Variants in CAND1 observed in about 807,000 individuals in gnomAD.
The protein encoded by CAND1 is cullin associated and neddylation dissociated 1.
Under a neutral mutation model 108.5 loss-of-function variants are expected in CAND1, and 7 were observed. That is an observed-to-expected ratio of 0.06 (90% CI 0.04 to 0.12). The LOEUF is 0.12. Among genes scored for constraint, CAND1 ranks in the 10% least tolerant of loss-of-function variants. CAND1 has a pLI of 1.00. For missense variants in CAND1, 941 were observed against 1,448.7 expected (o/e 0.65, Z 5.69); for synonymous variants, 534 against 512.0 (o/e 1.04, Z -0.58).
rs939507411 is a variant in CAND1 at position 67,319,606 on chromosome 12, C to T, written c.*6776C>T. On this transcript the variant is annotated 3_prime_UTR_variant, in exon 15 of 15. Coordinates refer to ENST00000545606, the MANE Select transcript of CAND1 (RefSeq NM_018448.5). Reference sequence around the variant, plus strand: ...TGCAGATACTGCTATTCCCCTCCTCCATACCATTGCTGATGGTTACTGAGG... The same window carrying T: ...TGCAGATACTGCTATTCCCCTCCTCTATACCATTGCTGATGGTTACTGAGG... The T allele has an allele frequency of 5.3e-5, 8 of 152,212 alleles. No homozygotes were observed. The highest frequency in any genetic ancestry group is 1.0e-4 in the Non-Finnish European group (7 of 68,030). The allele number at this position is 152,212 out of a possible 1,614,324, so 9.4% of individuals were successfully genotyped here. A position where few individuals can be genotyped will look rare whatever the true frequency, so the allele number is the denominator to read the frequency against.
At chr12:67,286,840 T>G (rs2044676607) in intron 2 of CAND1, among the ~76,000 whole-genome samples, 1 of 152,152 alleles carries the variant, frequency 6.6e-6, no homozygotes, top group Non-Finnish European at 1.5e-5. Context: ...GGATGTGAGG[T>G]AGGAATTAAC....
rs1455757518 is a variant in CAND1 at position 67,313,583 on chromosome 12, G to T, written c.*753G>T. On this transcript the variant is annotated 3_prime_UTR_variant, in exon 15 of 15. Coordinates refer to ENST00000545606, the MANE Select transcript of CAND1 (RefSeq NM_018448.5). ...AAAGAAAGGAGAATTTTTGAGACTT[G>T]GGTTTTCTTAATGCCAGTGTGAATT... 3.3e-5 allele frequency: 5 copies of T among 152,456 alleles called. No homozygotes were observed. Among genetic ancestry groups the T allele is most frequent in the African/African-American group, 1.2e-4 (5 of 41,416 alleles). 9.4% of individuals were successfully genotyped at this position (152,456 alleles called of 1,614,324 possible). A position where few individuals can be genotyped will look rare whatever the true frequency, so the allele number is the denominator to read the frequency against.
intron 1 of CAND1, among the ~76,000 whole-genome samples, chr12:67,272,374 C>T (rs935259105): frequency 2.6e-5 from 4 of 152,138 alleles, no homozygotes; most frequent in African/African-American, 9.7e-5. Context: ...GAGGCATGGA[C>T]ATGACTAATT....
chr12:67,280,948 A>G (rs1393402622), intron 1 of CAND1, among the ~76,000 whole-genome samples: 1 of 152,088 alleles, frequency 6.6e-6, no homozygotes, highest in African/African-American at 2.4e-5. Flanking sequence ...TATTTTGAAA[A>G]TAAGCCTGGT....
At chr12:67,280,171 A>G (rs929205336) in intron 1 of CAND1, among the ~76,000 whole-genome samples, 1 of 152,218 alleles carries the variant, frequency 6.6e-6, no homozygotes, top group African/African-American at 2.4e-5. Context: ...AAGCTTTTTT[A>G]AAAATAAGCA....
intron 1 of CAND1, among the ~76,000 whole-genome samples, chr12:67,273,317 A>T (rs1198553369): frequency 6.6e-6 from 1 of 152,138 alleles, no homozygotes; most frequent in East Asian, 1.9e-4. Flanking sequence ...CTAGGGATGC[A>T]TGTTCCATAA....
In CAND1 at chr12:67,274,073, C is replaced by T. The variant is rs575642610; in HGVS notation, c.68+4288C>T. 7.9e-5 allele frequency among the ~76,000 whole-genome samples: 12 copies of T among 152,270 alleles called. No homozygotes were observed. The South Asian group carries it at 2.5e-3, about 32-fold the overall frequency. On this transcript the variant is annotated intron_variant, in intron 1 of 14. Coordinates refer to ENST00000545606, the MANE Select transcript of CAND1 (RefSeq NM_018448.5). ...AGAACATGAACTCTTGACCACCCAG[C>T]TATGTCACTTCTCCAGGGTTTAGAC... is the stretch of plus-strand genomic sequence containing the variant.
intron 11 of CAND1, among the ~76,000 whole-genome samples, chr12:67,309,495 T>C (rs2044926149): frequency 6.6e-6 from 1 of 152,024 alleles, no homozygotes; most frequent in Non-Finnish European, 1.5e-5. Context: ...ATTTTTTTAT[T>C]CTTATTTTGA....
intron 8 of CAND1, 105 bp downstream of exon 8, chr12:67,302,720 A>C: frequency 1.0e-6 from 1 of 962,722 alleles, no homozygotes; most frequent in Non-Finnish European, 1.6e-6. Context: ...AGAGAAGCAG[A>C]AAGTTCTAGG....
intron 1 of CAND1, among the ~76,000 whole-genome samples, chr12:67,270,961 T>G (rs2044515797): frequency 6.6e-6 from 1 of 152,172 alleles, no homozygotes; most frequent in Non-Finnish European, 1.5e-5. Flanking sequence ...GTCCAAACCG[T>G]GTGGACTGGG....
intron 1 of CAND1, among the ~76,000 whole-genome samples, chr12:67,276,289 C>T (rs556338592): frequency 1.3e-5 from 2 of 152,324 alleles, no homozygotes; most frequent in East Asian, 3.9e-4. Context: ...CCTAATATAA[C>T]TCATTTAGTG....
chr12:67,283,034 C>G lies in CAND1; in HGVS notation c.212+981C>G, dbSNP rs553343964. Among the ~76,000 whole-genome samples, 6 of 152,194 alleles carry G rather than the reference C, an allele frequency of 3.9e-5. No individual in the cohort carries two copies. In the South Asian group the frequency reaches 1.2e-3, roughly 32 times the overall value. ...TAATTTACATAGTTATTAGTATAACCTTTAGCCTCATAAAAATTATGGAAT... is the reference window on the plus strand; with the variant it reads ...TAATTTACATAGTTATTAGTATAACGTTTAGCCTCATAAAAATTATGGAAT... On this transcript the variant is annotated intron_variant, in intron 2 of 14. Coordinates refer to ENST00000545606, the MANE Select transcript of CAND1 (RefSeq NM_018448.5).
At chr12:67,283,460 G>C (rs2044638730) in intron 2 of CAND1, among the ~76,000 whole-genome samples, 1 of 151,954 alleles carries the variant, frequency 6.6e-6, no homozygotes, top group Non-Finnish European at 1.5e-5. Flanking sequence ...GTGCATGCCT[G>C]TAATCCCTGC....
intron 2 of CAND1, among the ~76,000 whole-genome samples, chr12:67,290,538 C>G (rs1008324994): frequency 4.6e-5 from 7 of 151,942 alleles, no homozygotes; most frequent in African/African-American, 1.7e-4. Flanking sequence ...ACCTAAAAAT[C>G]TGACTGTTAA....
chr12:67,295,807 A>T (rs1400096135), intron 4 of CAND1, among the ~76,000 whole-genome samples: 1 of 152,126 alleles, frequency 6.6e-6, no homozygotes, highest in Non-Finnish European at 1.5e-5. Flanking sequence ...TAAAGTGAGG[A>T]GCTATCATCC....
At chr12:67,302,676 C>A in intron 8 of CAND1, 61 bp downstream of exon 8, 1 of 1,448,212 alleles carries the variant, frequency 6.9e-7, no homozygotes, top group Non-Finnish European at 9.5e-7. Flanking sequence ...TTAAAATTGT[C>A]TTTATATGGA....
rs2044998258 is a variant in CAND1, at chr12:67,315,427, G to T, written c.*2597G>T. 7.1e-6 allele frequency: 1 copy of T among 141,690 alleles called. No homozygotes were observed. Among genetic ancestry groups the T allele is most frequent in the African/African-American group, 2.9e-5 (1 of 33,968 alleles). The allele number at this position is 141,690 out of a possible 1,614,324, so 8.8% of individuals were successfully genotyped here. On this transcript the variant is annotated 3_prime_UTR_variant, in exon 15 of 15. Transcript: ENST00000545606. ...GATCACGCCACTGCACTCTGGCCTG[G>T]GCAACAGAGCGAGAGTCTGTCTCAA...
rs779274012 is a variant in CAND1 at position 67,302,355 on chromosome 12, A to G, written c.1033A>G (p.Met345Val). 1.9e-6 allele frequency: 3 copies of G among 1,613,866 alleles called. No individual in the cohort carries two copies. The highest frequency in any genetic ancestry group is 1.7e-5 in the Admixed American group (1 of 59,996). Residue 345 changes from methionine (M) to valine (V), a missense_variant, in exon 8 of 15, where the codon ATG (methionine) becomes GTG (valine). By Grantham distance (21) the Met-to-Val change is conservative. Around this residue, in one of 9 missense-constraint regions of CAND1, gnomAD observed 697 missense variants for 942.0 expected, o/e 0.74. Coordinates refer to ENST00000545606, the MANE Select transcript of CAND1 (RefSeq NM_018448.5). Reference sequence around the variant, plus strand: ...TGATGAATACAGTGATGATGATGACATGAGTTGGAAAGTGAGACGTGCAGC... The same window carrying G: ...TGATGAATACAGTGATGATGATGACGTGAGTTGGAAAGTGAGACGTGCAGC... ...SDDEYSDDDD[M>V]SWKVRRAAAK...
Position 67,274,260 on chromosome 12 carries a change from A to G in CAND1, c.68+4475A>G, listed in dbSNP as rs1481054805. 3.3e-5 allele frequency among the ~76,000 whole-genome samples: 5 copies of G among 152,254 alleles called. No individual in the cohort carries two copies. The East Asian group carries it at 9.6e-4, about 29-fold the overall frequency. On this transcript the variant is annotated intron_variant, in intron 1 of 14. Coordinates refer to ENST00000545606, the MANE Select transcript of CAND1 (RefSeq NM_018448.5). The stretch of plus-strand genomic sequence containing the variant: ...AATCTACATGCTTGTTGAATAGTTA[A>G]GACACTATTGTAAAAAGATGAATAA...
Sources: gnomAD v4.1 joint callset for allele counts (sites outside exome capture counted in the v4.1 genomes callset) on GRCh38, gnomAD v4.1.1 for gene constraint, gnomAD v4.1.1 regional missense constraint, MANE v1.5 for transcripts, NCBI Gene and HGNC (gene_info 2026-07-23, HGNC 2026-07-21) for gene names.